The following ACAT1 variants were observed in gnomAD, a reference collection of about 807,000 sequenced individuals.
The protein encoded by ACAT1 is acetyl-CoA acetyltransferase 1, also known as acetyl-CoA acetyltransferase, mitochondrial.
Under a neutral mutation model 47.3 loss-of-function variants are expected in ACAT1, and 28 were observed. That is an observed-to-expected ratio of 0.59 (90% CI 0.44 to 0.81). The LOEUF (loss-of-function observed/expected upper bound fraction) is 0.81, where lower values mean the gene tolerates loss of function less well. Among genes scored for constraint, ACAT1 ranks in the 30% least tolerant of loss-of-function variants. The pLI is 0.00. For synonymous variants in ACAT1, 181 were observed against 173.6 expected (o/e 1.04, Z -0.34); for missense variants, 469 against 524.3 (o/e 0.89, Z 1.03).
At chr11:108,119,588 GT>G (rs1389763780), upstream of ACAT1, among the ~76,000 whole-genome samples, 13 of 151,842 alleles carry the variant, frequency 8.6e-5, no homozygotes, top group African/African-American at 3.1e-4. Flanking sequence ...CAGACCTTTA[GT>G]TTTCTGAGTC....
Position 108,142,554 on chromosome 11 carries a change from A to T in ACAT1, c.940+4A>T, listed in dbSNP as rs752706209. 2 of 1,610,818 alleles carry T rather than the reference A, an allele frequency of 1.2e-6. No homozygotes were observed. The highest frequency in any genetic ancestry group is 4.5e-5 in the East Asian group (2 of 44,860). On this transcript the variant is annotated splice_donor_region_variant and intron_variant, in intron 9 of 11. Coordinates refer to ENST00000265838, the MANE Select transcript of ACAT1 (RefSeq NM_000019.4). ...ACACCACTGGCAAGAATAGTAGGTA[A>T]GGCCAGGCGAGGTGGCTCACACCTG...
rs530914005 is a variant in ACAT1 at position 108,125,662 on chromosome 11, T to C, written c.72+3984T>C. On this transcript the variant is annotated intron_variant, in intron 1 of 11. Transcript: ENST00000265838. The stretch of plus-strand genomic sequence containing the variant: ...TGAAGAATAGGCTGGGTGTGGTGGC[T>C]CACGCCTGTAATCCCAGCACTTTGG... 2.6e-5 allele frequency among the ~76,000 whole-genome samples: 4 copies of C among 152,264 alleles called. No homozygotes were observed. In the South Asian group the frequency reaches 8.3e-4, roughly 32 times the overall value.
intron 10 of ACAT1, among the ~76,000 whole-genome samples, chr11:108,145,745 A>G (rs570243097): frequency 2.0e-5 from 3 of 152,276 alleles, no homozygotes; most frequent in African/African-American, 7.2e-5. Flanking sequence ...AAGATGAGCA[A>G]CTAAAAATCT....
At chr11:108,134,676 T>A (rs1286509285) in intron 4 of ACAT1, among the ~76,000 whole-genome samples, 2 of 138,988 alleles carry the variant, frequency 1.4e-5, no homozygotes, top group African/African-American at 5.4e-5. Context: ...CTGGGCATGG[T>A]AGCTCACGCC....
rs756666173 is a variant in ACAT1, at chr11:108,121,584, C to T, written c.-23C>T. ...AGGCCGCTAGTCTACGCCTGTGGAGCCGATACTCAGCCCTCTGCGACCATG... is the reference window on the plus strand; with the variant it reads ...AGGCCGCTAGTCTACGCCTGTGGAGTCGATACTCAGCCCTCTGCGACCATG... On this transcript the variant is annotated 5_prime_UTR_variant, in exon 1 of 12. Transcript: ENST00000265838. 1 of 1,549,632 alleles carries T rather than the reference C, an allele frequency of 6.5e-7. No individual in the cohort carries two copies. The highest frequency in any genetic ancestry group is 8.7e-7 in the Non-Finnish European group (1 of 1,146,370).
chr11:108,138,942 A>G lies in ACAT1; in HGVS notation c.480A>G (p.Pro160=), dbSNP rs141131039. 1.7e-4 allele frequency: 274 copies of G among 1,614,152 alleles called. 2 individuals are homozygous for G. The African/African-American group carries it at 3.2e-3, about 19-fold the overall frequency. The part of the protein sequence containing the change: ...AGGMESMSNV[P]YVMNRGSTPY... ...GGATGGAGAGCATGTCCAATGTTCC[A>G]TATGTAATGAACAGAGGATCAACAC... The change falls in exon 6 of 12, where the codon CCA becomes CCG. Residue 160 remains proline, a synonymous_variant. Coordinates refer to ENST00000265838, the MANE Select transcript of ACAT1 (RefSeq NM_000019.4).
At chr11:108,136,086 G>T in intron 5 of ACAT1, 1 of 700,114 alleles carries the variant, frequency 1.4e-6, no homozygotes, top group East Asian at 2.6e-5. Flanking sequence ...CAAGAGACAG[G>T]CTCCTTAGCA....
At chr11:108,126,082 A>G (rs1223765561) in intron 1 of ACAT1, among the ~76,000 whole-genome samples, 1 of 152,054 alleles carries the variant, frequency 6.6e-6, no homozygotes, top group Non-Finnish European at 1.5e-5. Context: ...GGCTCACTGA[A>G]ACTTCTGCCT....
rs576561524 is a variant in ACAT1, at chr11:108,144,729, T to C, written c.1005+682T>C. ...ATGAAAAAAAAAACTGCAGAATCAGTAGGAAACAAGAATAGAGAAGATCAG... is the reference window on the plus strand; with the variant it reads ...ATGAAAAAAAAAACTGCAGAATCAGCAGGAAACAAGAATAGAGAAGATCAG... On this transcript the variant is annotated intron_variant, in intron 10 of 11. Coordinates refer to ENST00000265838, the MANE Select transcript of ACAT1 (RefSeq NM_000019.4). Among the ~76,000 whole-genome samples the C allele has an allele frequency of 2.0e-5, 3 of 151,128 alleles. No individual in the cohort carries two copies. The East Asian group carries it at 5.8e-4, about 29-fold the overall frequency.
At chr11:108,134,345 C>A in intron 4 of ACAT1, 29 bp downstream of exon 4, 1 of 1,578,910 alleles carries the variant, frequency 6.3e-7, no homozygotes, top group Non-Finnish European at 8.7e-7. Context: ...TGCTTTTATA[C>A]TTAAAATGTG....
intron 1 of ACAT1, among the ~76,000 whole-genome samples, chr11:108,130,899 G>A (rs764357633): frequency 6.6e-6 from 1 of 152,042 alleles, no homozygotes; most frequent in Non-Finnish European, 1.5e-5. Context: ...ACAGGTGCCC[G>A]CTACCACGCC....
chr11:108,122,303 G>C (rs1009306781), intron 1 of ACAT1, among the ~76,000 whole-genome samples: 4 of 152,258 alleles, frequency 2.6e-5, no homozygotes, highest in African/African-American at 9.6e-5. Context: ...TGTGTTTAGG[G>C]AACACAGCAG....
At position 108,141,585 on chromosome 11, in the gene ACAT1, TTAAAA is replaced by T. The variant is rs1203638658; in HGVS notation, c.731-17_731-13del. Reference sequence around the variant, plus strand: ...GACTACTTGTTTTGAGCGATTTTACTTAAAATATTTTTATTTTAGGTCAACCAGAT... The same window carrying T: ...GACTACTTGTTTTGAGCGATTTTACTTATTTTTATTTTAGGTCAACCAGAT... On this transcript the variant is annotated splice_polypyrimidine_tract_variant and intron_variant, in intron 7 of 11. Coordinates refer to ENST00000265838, the MANE Select transcript of ACAT1 (RefSeq NM_000019.4). 2 of 1,585,756 alleles carry T rather than the reference TTAAAA, an allele frequency of 1.3e-6. No homozygotes were observed. Among genetic ancestry groups the T allele is most frequent in the Non-Finnish European group, 1.7e-6 (2 of 1,156,880 alleles).
At chr11:108,134,357 A>G (rs886220894) in intron 4 of ACAT1, 41 bp downstream of exon 4, 1 of 1,536,128 alleles carries the variant, frequency 6.5e-7, no homozygotes, top group South Asian at 1.1e-5. Context: ...TAAAATGTGT[A>G]AAAGGGGCCG....
At chr11:108,140,292 A>G in intron 7 of ACAT1, 77 bp downstream of exon 7, 1 of 1,558,346 alleles carries the variant, frequency 6.4e-7, no homozygotes, top group South Asian at 1.1e-5. Flanking sequence ...TTAAATTAGG[A>G]CATTATCTTG....
In ACAT1 at chr11:108,134,227, C is replaced by CA. The variant is rs34607623; in HGVS notation, c.249dup (p.Glu84ArgfsTer10). On this transcript the variant is annotated frameshift_variant, in exon 4 of 12. Transcript: ENST00000265838. LOFTEE classifies it high-confidence loss of function. ...TTTTTTTTTTTTAATAAAGGGATTC[C>CA]AAAAGAAGAAGTGAAAGAAGCATAC... 6.2e-7 allele frequency: 1 copy of CA among 1,606,976 alleles called. No homozygotes were observed. The highest frequency in any genetic ancestry group is 8.5e-7 in the Non-Finnish European group (1 of 1,177,472).
At position 108,134,201 on chromosome 11, in the gene ACAT1, T is replaced by G. The variant is rs1025763828; in HGVS notation, c.239-20T>G. The G allele has an allele frequency of 2.3e-5, 5 of 216,498 alleles. No individual in the cohort carries two copies. The highest frequency in any genetic ancestry group is 6.4e-5 in the Admixed American group (1 of 15,572). 13.4% of individuals were successfully genotyped at this position (216,498 alleles called of 1,614,324 possible). ...AAATTGAATTAAATGCCTTTTTGACTTTTTTTTTTTTTAATAAAGGGATTC... is the reference window on the plus strand; with the variant it reads ...AAATTGAATTAAATGCCTTTTTGACGTTTTTTTTTTTTAATAAAGGGATTC... On this transcript the variant is annotated intron_variant, in intron 3 of 11. Coordinates refer to ENST00000265838, the MANE Select transcript of ACAT1 (RefSeq NM_000019.4).
intron 1 of ACAT1, among the ~76,000 whole-genome samples, chr11:108,131,354 A>ATTTTT (rs397951009): frequency 0.019 from 1,183 of 62,646 alleles, 144 homozygotes; most frequent in Middle Eastern, 0.093. Flanking sequence ...AAGACTTGGA[A>ATTTTT]TTTTTTTTTT....
chr11:108,131,278 C>T (rs1399038188), intron 1 of ACAT1, among the ~76,000 whole-genome samples: 1 of 148,174 alleles, frequency 6.7e-6, no homozygotes, highest in Non-Finnish European at 1.5e-5. Flanking sequence ...TTGTTAGATT[C>T]TAAGACTAAA....
Sources: allele counts gnomAD v4.1 joint callset (sites outside exome capture counted in the v4.1 genomes callset), GRCh38; gene constraint gnomAD v4.1.1; transcripts MANE v1.5; gene names NCBI Gene and HGNC (gene_info 2026-07-23, HGNC 2026-07-21).